COL4A4: variants seen among roughly 807,000 people sequenced by gnomAD.
COL4A4 encodes the protein collagen type IV alpha 4 chain.
In COL4A4, 105 loss-of-function variants were observed where a neutral mutation model predicts 192.9. The observed-to-expected ratio is 0.54, with a 90% CI of 0.46 to 0.64. The LOEUF (loss-of-function observed/expected upper bound fraction) is 0.64. COL4A4 is among the 30% of genes least tolerant of loss of function. The pLI, the probability that COL4A4 is intolerant of heterozygous loss-of-function variation, is 0.00. For synonymous variants in COL4A4, 762 were observed against 769.9 expected (o/e 0.99, Z 0.17); for missense variants, 1,967 against 2,169.3 (o/e 0.91, Z 1.85).
chr2:227,089,404 A>C (rs1247820778), intron 21 of COL4A4, among the ~76,000 whole-genome samples: 9 of 151,826 alleles, frequency 5.9e-5, no homozygotes, highest in Non-Finnish European at 1.2e-4. Flanking sequence ...TCAGTTGCCC[A>C]AAACGGCTCC....
At chr2:227,122,660 G>T (rs1425740021) in intron 4 of COL4A4, among the ~76,000 whole-genome samples, 3 of 152,186 alleles carry the variant, frequency 2.0e-5, no homozygotes, top group East Asian at 3.9e-4. Flanking sequence ...GCAAATGGAA[G>T]TGTTCTGCTA....
In COL4A4 at chr2:227,144,556, G is replaced by A. The variant is rs370486963; in HGVS notation, c.74C>T (p.Ser25Leu). 2 of 1,605,874 alleles carry A rather than the reference G, an allele frequency of 1.2e-6. No individual in the cohort carries two copies. Among genetic ancestry groups the A allele is most frequent in the Non-Finnish European group, 1.7e-6 (2 of 1,172,900 alleles). The change falls in exon 3 of 48, where the codon TCA becomes TTA. Residue 25 changes from serine to leucine, a missense_variant and splice_region_variant. Transcript: ENST00000396625. The stretch of plus-strand genomic sequence containing the variant: ...TACAGAAAAGAGAATGAGTATAAGT[G>A]ACCTACAGAAAAACAAAAACGCAGA... ...LTKSLATGPWSLILILFSVQY... is the reference protein window; with the variant it reads ...LTKSLATGPWLLILILFSVQY...
At chr2:227,151,185 A>G (rs970368322) in intron 1 of COL4A4, among the ~76,000 whole-genome samples, 2 of 152,164 alleles carry the variant, frequency 1.3e-5, no homozygotes, top group East Asian at 1.9e-4. Flanking sequence ...ATGTATTTCC[A>G]TACTTGAAAA....
chr2:227,054,515 T>C lies in COL4A4; in HGVS notation c.2860+79A>G, dbSNP rs1414723875. 6.6e-6 allele frequency: 10 copies of C among 1,522,374 alleles called. No homozygotes were observed. The East Asian group carries it at 1.8e-4, about 27-fold the overall frequency. The allele number at this position is 1,522,374 out of a possible 1,614,324, so 94.3% of individuals were successfully genotyped here. ...TCCAAGCTTCAGACAAGTCCTATTT[T>C]ATTTTTCAGAGATCACATTTCTAGG... On this transcript the variant is annotated intron_variant, in intron 31 of 47. Coordinates refer to ENST00000396625, the MANE Select transcript of COL4A4 (RefSeq NM_000092.5).
At chr2:226,988,509 G>A in the COL4A4 span, 2 of 1,522,646 alleles carry the variant, frequency 1.3e-6, no homozygotes, top group Non-Finnish European at 1.8e-6. Context: ...GGCCTTGCGA[G>A]GTGGATAGCA....
At chr2:227,039,699 G>A (rs1437002781) in intron 37 of COL4A4, among the ~76,000 whole-genome samples, 2 of 152,076 alleles carry the variant, frequency 1.3e-5, no homozygotes, top group East Asian at 1.9e-4. Context: ...GATGACAAAT[G>A]TTTTCTTTTG....
chr2:227,007,675 A>T (rs1366509270), intron 47 of COL4A4, 87 bp from the exon 48 acceptor site: 64 of 1,535,688 alleles, frequency 4.2e-5, no homozygotes, highest in Non-Finnish European at 5.2e-5. Flanking sequence ...TTTGGGTCTG[A>T]TCTTAACATT....
At chr2:227,064,898 T>TA (rs746627947) in intron 25 of COL4A4, among the ~76,000 whole-genome samples, 1 of 152,176 alleles carries the variant, frequency 6.6e-6, no homozygotes, top group Non-Finnish European at 1.5e-5. Context: ...GATGGCCGAA[T>TA]AGGAACAGCT....
intron 19 of COL4A4, among the ~76,000 whole-genome samples, chr2:227,097,929 A>G (rs2060293080): frequency 6.6e-6 from 1 of 152,190 alleles, no homozygotes; most frequent in Non-Finnish European, 1.5e-5. Flanking sequence ...CACAGGTTTA[A>G]TCAGTTCTCC....
At chr2:227,030,412 C>A in intron 41 of COL4A4, 31 bp downstream of exon 41, 1 of 1,612,396 alleles carries the variant, frequency 6.2e-7, no homozygotes, top group South Asian at 1.1e-5. Flanking sequence ...CCAAGTTATT[C>A]ACATATTACT....
chr2:227,155,058 G>A (rs888480830), intron 1 of COL4A4, among the ~76,000 whole-genome samples: 1 of 152,224 alleles, frequency 6.6e-6, no homozygotes, highest in African/African-American at 2.4e-5. Flanking sequence ...ACCGGAATGT[G>A]GATGGAGCTT....
intron 20 of COL4A4, among the ~76,000 whole-genome samples, chr2:227,091,094 C>T (rs991043479): frequency 1.1e-4 from 16 of 151,794 alleles, no homozygotes; most frequent in Non-Finnish European, 2.2e-4. Context: ...CTACTATCCC[C>T]GCCAAAAAAA....
At chr2:227,041,410 C>T (rs1169359698) in intron 37 of COL4A4, among the ~76,000 whole-genome samples, 9 of 151,702 alleles carry the variant, frequency 5.9e-5, no homozygotes, top group African/African-American at 1.9e-4. Context: ...GAGGCCGAGG[C>T]GGGTGGATCA....
intron 26 of COL4A4, 82 bp from the exon 27 acceptor site, chr2:227,060,325 A>G (rs1033970508): frequency 1.0e-6 from 1 of 956,596 alleles, no homozygotes; most frequent in African/African-American, 1.6e-5. Flanking sequence ...CTTTAAGTCT[A>G]TGTTAAGTCC....
At chr2:226,976,118 G>C in the COL4A4 span, among the ~76,000 whole-genome samples, 9 of 151,324 alleles carry the variant, frequency 5.9e-5, no homozygotes, top group African/African-American at 2.2e-4. Flanking sequence ...TTGGTACTAG[G>C]GACACTTGGA....
intron 4 of COL4A4, among the ~76,000 whole-genome samples, chr2:227,138,403 G>T (rs947228095): frequency 4.6e-5 from 7 of 152,090 alleles, no homozygotes; most frequent in Non-Finnish European, 7.4e-5. Context: ...GGAGGCCGAG[G>T]CTGGCGGATC....
chr2:227,002,146 G>A (rs1031617743), downstream of COL4A4, among the ~76,000 whole-genome samples: 2 of 144,642 alleles, frequency 1.4e-5, no homozygotes, highest in African/African-American at 5.2e-5. Flanking sequence ...CTCCAGCCTG[G>A]GCAACAGGCA....
In COL4A4 at chr2:227,098,789, C is replaced by T. The variant is rs779604374; in HGVS notation, c.1109G>A (p.Gly370Glu). 6.2e-7 allele frequency: 1 copy of T among 1,613,696 alleles called. No individual in the cohort carries two copies. The highest frequency in any genetic ancestry group is 8.5e-7 in the Non-Finnish European group (1 of 1,179,740). ...TPPLPLKGPP[G>E]DPGFPGRYGE... ...ATAGCGGCCAGGGAACCCTGGGTCC[C>T]CTGGTGGGCCTGCCAAAGATAATGG... is the stretch of plus-strand genomic sequence containing the variant. Residue 370 changes from glycine (G) to glutamate (E), a missense_variant, in exon 19 of 48, where the codon GGG (glycine) becomes GAG (glutamate). Transcript: ENST00000396625.
At chr2:227,015,866 T>C (rs1342792505) in intron 44 of COL4A4, among the ~76,000 whole-genome samples, 2 of 152,198 alleles carry the variant, frequency 1.3e-5, no homozygotes, top group Non-Finnish European at 1.5e-5. Flanking sequence ...CGTGCAGAAA[T>C]AAAACTGGAA....
Sources: allele counts gnomAD v4.1 joint callset (sites outside exome capture counted in the v4.1 genomes callset), GRCh38; gene constraint gnomAD v4.1.1; transcripts MANE v1.5; gene names NCBI Gene and HGNC (gene_info 2026-07-23, HGNC 2026-07-21).